Variants in CREM observed in about 807,000 individuals in gnomAD.
CREM encodes the protein cAMP-responsive element modulator.
A neutral mutation model predicts 37.3 loss-of-function variants in CREM; 13 were observed. The ratio of observed to expected loss-of-function variants is 0.35; its 90% CI spans 0.23 to 0.55. The LOEUF is 0.55. Among genes scored for constraint, CREM ranks in the 20% least tolerant of loss-of-function variants. The pLI is 0.88. For synonymous variants in CREM, 124 were observed against 120.2 expected (o/e 1.03, Z -0.21); for missense variants, 296 against 362.3 (o/e 0.82, Z 1.49).
At chr10:35,176,532 C>T (rs1441934125) in intron 3 of CREM, among the ~76,000 whole-genome samples, 1 of 151,788 alleles carries the variant, frequency 6.6e-6, no homozygotes, top group East Asian at 1.9e-4. Context: ...CTCAGCCTCC[C>T]GAGTAGCTGG....
intron 2 of CREM, 113 bp downstream of exon 2, chr10:35,137,992 T>C: frequency 1.6e-6 from 1 of 607,804 alleles, no homozygotes; most frequent in Non-Finnish European, 2.5e-6. Flanking sequence ...ATATATATTC[T>C]ATTATAATAT....
At chr10:35,149,913 C>CACACACACACAT (rs2092457039) in intron 3 of CREM, among the ~76,000 whole-genome samples, 1 of 150,740 alleles carries the variant, frequency 6.6e-6, no homozygotes, top group Admixed American at 6.6e-5. Context: ...CACACACACA[C>CACACACACACAT]ACACACACAC....
At chr10:35,196,104 G>A (rs1406643038) in intron 6 of CREM, 12 of 1,614,146 alleles carry the variant, frequency 7.4e-6, no homozygotes, top group Non-Finnish European at 1.0e-5. Flanking sequence ...TTAGTGGTAA[G>A]ATCGAGCCTC....
chr10:35,193,037 G>T (rs7077242), intron 6 of CREM, among the ~76,000 whole-genome samples: 50,263 of 151,874 alleles, frequency 0.33, 8,416 homozygotes, highest in Non-Finnish European at 0.35. Flanking sequence ...ATAAGAATAC[G>T]TTCCCCGAGG....
At chr10:35,139,912 T>C (rs2091198951) in intron 2 of CREM, among the ~76,000 whole-genome samples, 1 of 152,232 alleles carries the variant, frequency 6.6e-6, no homozygotes, top group African/African-American at 2.4e-5. Context: ...TCTGCTGAGA[T>C]AGTGCCTGAA....
At position 35,148,503 on chromosome 10, in the gene CREM, G is replaced by A; in HGVS notation, c.168+12G>A. The stretch of plus-strand genomic sequence containing the variant: ...CTGCTTTAGCTCAGGTAGGCAATAG[G>A]CAGGCACCGTTGAAAGTCAAAATAT... On this transcript the variant is annotated intron_variant, in intron 3 of 7. Transcript: ENST00000685392. 2 of 1,602,566 alleles carry A rather than the reference G, an allele frequency of 1.2e-6. No homozygotes were observed. The highest frequency in any genetic ancestry group is 1.3e-5 in the African/African-American group (1 of 74,464).
At chr10:35,210,360 T>G (rs1425437627) in intron 7 of CREM, 1 of 152,166 alleles carries the variant, frequency 6.6e-6, no homozygotes, top group Non-Finnish European at 1.5e-5. Flanking sequence ...GTTGGCTCTA[T>G]TTATTGTTTT....
At chr10:35,170,707 T>C (rs1414786362) in intron 3 of CREM, among the ~76,000 whole-genome samples, 1 of 152,240 alleles carries the variant, frequency 6.6e-6, no homozygotes. Context: ...TATAGTATTC[T>C]CTGATGGTAG....
intron 2 of CREM, among the ~76,000 whole-genome samples, 194 bp downstream of exon 2, chr10:35,138,073 G>A (rs2090854698): frequency 6.6e-6 from 1 of 152,224 alleles, no homozygotes; most frequent in East Asian, 1.9e-4. Context: ...TGTAGGAGAT[G>A]TGTCGGTATG....
chr10:35,171,011 C>T lies in CREM; in HGVS notation c.169-7878C>T, dbSNP rs180934773. ...TTTAGCATTTTAATGAAAAAATTGT[C>T]TCATGAGCTTTTGGCCTGCCTAGAG... On this transcript the variant is annotated intron_variant, in intron 3 of 7. Coordinates refer to ENST00000685392, the MANE Select transcript of CREM (RefSeq NM_183011.2). 4.9e-4 allele frequency among the ~76,000 whole-genome samples: 75 copies of T among 152,076 alleles called. 1 individual carries two copies. Among genetic ancestry groups the T allele is most frequent in the Non-Finnish European group, 5.4e-4 (37 of 67,986 alleles).
intron 6 of CREM, chr10:35,195,946 C>A: frequency 2.0e-6 from 2 of 996,570 alleles, no homozygotes; most frequent in Non-Finnish European, 1.5e-6. Flanking sequence ...CTCACCACTG[C>A]CTCTGCCTCC....
At chr10:35,161,205 C>T (rs73260869) in intron 3 of CREM, among the ~76,000 whole-genome samples, 4,530 of 151,882 alleles carry the variant, frequency 0.03, 226 homozygotes, top group African/African-American at 0.1. Flanking sequence ...GATGTGATCT[C>T]GGCTCACTGC....
chr10:35,144,934 C>T (rs1395336946), intron 2 of CREM, among the ~76,000 whole-genome samples: 1 of 151,774 alleles, frequency 6.6e-6, no homozygotes, highest in Non-Finnish European at 1.5e-5. Flanking sequence ...CTGAAGCGGG[C>T]TGATCACTTG....
intron 7 of CREM, among the ~76,000 whole-genome samples, chr10:35,208,168 C>T (rs1451512408): frequency 2.0e-5 from 3 of 152,046 alleles, no homozygotes; most frequent in Non-Finnish European, 1.5e-5. Flanking sequence ...CACTGAAATA[C>T]ATATTTAATC....
intron 3 of CREM, chr10:35,167,641 T>C: frequency 7.2e-7 from 1 of 1,387,708 alleles, no homozygotes. Context: ...TTTTTTTTAA[T>C]TGCAAAGCCA....
rs1355701144 is a variant in CREM, at chr10:35,151,185, CAAG to C, written c.168+2695_168+2697del. Among the ~76,000 whole-genome samples, 6 of 152,250 alleles carry C rather than the reference CAAG, an allele frequency of 3.9e-5. No homozygotes were observed. In the South Asian group the frequency reaches 1.0e-3, roughly 26 times the overall value. On this transcript the variant is annotated intron_variant, in intron 3 of 7. Coordinates refer to ENST00000685392, the MANE Select transcript of CREM (RefSeq NM_183011.2). ...ATAGAGACTTGTGAGAAGGCAGAAT[CAAG>C]GAACTAGAAAAAGCCTGTGTTTACG...
intron 5 of CREM, among the ~76,000 whole-genome samples, chr10:35,181,953 A>G (rs2094369760): frequency 6.6e-6 from 1 of 152,198 alleles, no homozygotes; most frequent in Admixed American, 6.5e-5. Flanking sequence ...TGGTTTCTTA[A>G]TTTGAGTCTA....
chr10:35,189,380 A>G (rs1255093638), intron 6 of CREM, among the ~76,000 whole-genome samples: 1 of 152,166 alleles, frequency 6.6e-6, no homozygotes, highest in Non-Finnish European at 1.5e-5. Flanking sequence ...ACTGTAATAG[A>G]TGTATTTAAT....
chr10:35,191,936 A>G (rs1423958390), intron 6 of CREM, among the ~76,000 whole-genome samples: 4 of 113,262 alleles, frequency 3.5e-5, no homozygotes, highest in East Asian at 2.5e-4. Context: ...GACCACTACT[A>G]TCCTTGATGC....
Sources: allele counts gnomAD v4.1 joint callset (sites outside exome capture counted in the v4.1 genomes callset), GRCh38; gene constraint gnomAD v4.1.1; transcripts MANE v1.5; gene names NCBI Gene and HGNC (gene_info 2026-07-23, HGNC 2026-07-21).